Variants in PNPLA4 observed in about 807,000 individuals in gnomAD.
The protein encoded by PNPLA4 is patatin-like phospholipase domain-containing protein 4.
Under a neutral mutation model 18.3 loss-of-function variants are expected in PNPLA4, and 15 were observed. That is an observed-to-expected ratio of 0.82 (90% CI 0.55 to 1.26). The LOEUF is 1.26. PNPLA4 is among the 50% of genes most tolerant of loss of function. The pLI is 0.00. For synonymous variants in PNPLA4, 88 were observed against 85.6 expected (o/e 1.03, Z -0.16); for missense variants, 229 against 196.8 (o/e 1.16, Z -0.98).
At chrX:7,919,193 A>C (rs1314527654) in intron 4 of PNPLA4, among the ~76,000 whole-genome samples, 3 of 112,916 alleles carry the variant, frequency 2.7e-5, no homozygotes, top group African/African-American at 9.7e-5. Context: ...ATGTTTTCTT[A>C]ACAGCAATAG....
intron 5 of PNPLA4, among the ~76,000 whole-genome samples, chrX:7,907,610 T>G (rs1186163282): frequency 8.9e-6 from 1 of 112,524 alleles, no homozygotes; most frequent in African/African-American, 3.2e-5. Context: ...ATTCATTCAC[T>G]GACAAATCTA....
chrX:7,907,249 T>G (rs1263739672), intron 5 of PNPLA4, among the ~76,000 whole-genome samples: 1 of 111,400 alleles, frequency 9.0e-6, no homozygotes, highest in Non-Finnish European at 1.9e-5. Context: ...GAACTCCTGA[T>G]CTCAGGTGAT....
intron 2 of PNPLA4, among the ~76,000 whole-genome samples, chrX:7,922,954 G>A (rs979269667): frequency 4.5e-5 from 5 of 112,208 alleles, no homozygotes; most frequent in Middle Eastern, 4.2e-3. Context: ...GCCCCCACAA[G>A]GGTGTGTTTG....
Position 7,902,147 on chromosome X carries a change from G to A in PNPLA4, c.478-6C>T. ...AGGCCTCCGTCCACCCACTTCTGTG[G>A]AAAGAAACATCTCACGTCAGCACAC... On this transcript the variant is annotated splice_region_variant and splice_polypyrimidine_tract_variant and intron_variant, in intron 5 of 6. Transcript: ENST00000381042. The A allele has an allele frequency of 8.4e-7, 1 of 1,195,526 alleles. No homozygotes were observed. The highest frequency in any genetic ancestry group is 1.1e-6 in the Non-Finnish European group (1 of 888,280).
chrX:7,901,026 G>A (rs572570204), intron 6 of PNPLA4, among the ~76,000 whole-genome samples: 4 of 111,568 alleles, frequency 3.6e-5, no homozygotes, highest in African/African-American at 9.8e-5. Context: ...GGGCCACGAC[G>A]TCTTAACTGT....
At chrX:7,920,546 C>T (rs1924183518) in intron 4 of PNPLA4, among the ~76,000 whole-genome samples, 1 of 112,470 alleles carries the variant, frequency 8.9e-6, no homozygotes, top group Non-Finnish European at 1.9e-5. Flanking sequence ...TTTCAAATGA[C>T]AGCATCCGAA....
chrX:7,899,285 A>G lies in PNPLA4; in HGVS notation c.*1401T>C, dbSNP rs1923437192. ...AAGAAGAAATGCGTGACAATTGAAG[A>G]CATGGAATTAAATTGGTTTGTCTCT... On this transcript the variant is annotated 3_prime_UTR_variant, in exon 7 of 7. Transcript: ENST00000381042. 9.0e-6 allele frequency: 1 copy of G among 111,445 alleles called. No individual in the cohort carries two copies. The highest frequency in any genetic ancestry group is 3.8e-4 in the South Asian group (1 of 2,638). The allele number at this position is 111,445 out of a possible 1,213,427, so 9.2% of individuals were successfully genotyped here.
intron 2 of PNPLA4, 55 bp from the exon 3 acceptor site, chrX:7,922,153 C>G (rs1211730057): frequency 2.3e-6 from 2 of 882,517 alleles, no homozygotes; most frequent in African/African-American, 4.0e-5. Context: ...AACAATCATT[C>G]CACTTCTAAA....
Position 7,921,820 on chromosome X carries a change from T to C in PNPLA4, c.304A>G (p.Ser102Gly). Residue 102 changes from serine (S) to glycine (G), a missense_variant, in exon 4 of 7, where the codon AGC becomes GGC. Ser to Gly is a moderately conservative substitution (Grantham distance 56, BLOSUM62 0). Transcript: ENST00000381042. ...RSGMESILPP[S>G]AHELAQNRLH... ...CGGTTCTGGGCCAGCTCGTGAGCGC[T>C]GGGAGGAAGAATCGACTCCATCCCA... The C allele has an allele frequency of 8.3e-7, 1 of 1,208,979 alleles. No homozygotes were observed. Among genetic ancestry groups the C allele is most frequent in the Non-Finnish European group, 1.1e-6 (1 of 893,270 alleles).
intron 5 of PNPLA4, among the ~76,000 whole-genome samples, chrX:7,903,863 T>C (rs1165244869): frequency 1.8e-5 from 2 of 111,907 alleles, no homozygotes; most frequent in Non-Finnish European, 1.9e-5. Flanking sequence ...ATGTGTTATG[T>C]GTATTACACA....
chrX:7,908,399 C>T (rs1440951916), intron 5 of PNPLA4, among the ~76,000 whole-genome samples: 1 of 112,388 alleles, frequency 8.9e-6, no homozygotes, highest in Non-Finnish European at 1.9e-5. Flanking sequence ...GAGGTGTATT[C>T]AGCACAACTG....
At chrX:7,913,456 G>C (rs752552644) in intron 4 of PNPLA4, among the ~76,000 whole-genome samples, 1 of 112,346 alleles carries the variant, frequency 8.9e-6, no homozygotes, top group Non-Finnish European at 1.9e-5. Context: ...AGCTCCTATA[G>C]CAACAGGCTC....
chrX:7,923,324 T>A (rs1432468243), intron 2 of PNPLA4, among the ~76,000 whole-genome samples: 1 of 111,641 alleles, frequency 9.0e-6, no homozygotes, highest in Non-Finnish European at 1.9e-5. Flanking sequence ...GATGCTGTGC[T>A]TATGGCTTTA....
intron 5 of PNPLA4, among the ~76,000 whole-genome samples, chrX:7,903,827 A>T (rs1412643154): frequency 1.8e-5 from 2 of 112,149 alleles, no homozygotes; most frequent in East Asian, 2.8e-4. Flanking sequence ...CATTATTTTT[A>T]AAAGATATAA....
intron 2 of PNPLA4, among the ~76,000 whole-genome samples, chrX:7,925,614 AG>A (rs1367840652): frequency 8.9e-6 from 1 of 112,228 alleles, no homozygotes; most frequent in East Asian, 2.8e-4. Flanking sequence ...CCTTGAAAAC[AG>A]GCCCCATGCT....
At chrX:7,902,806 G>A (rs1396714529) in intron 5 of PNPLA4, among the ~76,000 whole-genome samples, 1 of 111,858 alleles carries the variant, frequency 8.9e-6, no homozygotes, top group Non-Finnish European at 1.9e-5. Context: ...CTCAAGGTGT[G>A]TGCAGCCTCA....
intron 5 of PNPLA4, among the ~76,000 whole-genome samples, chrX:7,910,367 A>G: frequency 9.0e-6 from 1 of 111,314 alleles, no homozygotes; most frequent in East Asian, 2.8e-4. Context: ...TTGTTGAGAG[A>G]CCATCAATTC....
chrX:7,913,211 C>G (rs1923931801), intron 4 of PNPLA4, among the ~76,000 whole-genome samples: 1 of 111,965 alleles, frequency 8.9e-6, no homozygotes, highest in South Asian at 3.7e-4. Flanking sequence ...GGACATGTCT[C>G]CTGTTTCCTC....
At chrX:7,922,714 C>T (rs758800738) in intron 2 of PNPLA4, among the ~76,000 whole-genome samples, 12 of 112,254 alleles carry the variant, frequency 1.1e-4, no homozygotes, top group Middle Eastern at 4.7e-3. Context: ...GACAAGAAAA[C>T]GGAGGATTGG....
Sources: gnomAD v4.1 joint callset for allele counts (sites outside exome capture counted in the v4.1 genomes callset) on GRCh38, gnomAD v4.1.1 for gene constraint, MANE v1.5 for transcripts, NCBI Gene and HGNC (gene_info 2026-07-23, HGNC 2026-07-21) for gene names.